The following CASP10 variants were observed in gnomAD, a reference collection of about 807,000 sequenced individuals.
CASP10 encodes caspase-10.
CASP10 carries 41 observed loss-of-function variants against 48.5 expected under a neutral mutation model. The ratio of observed to expected loss-of-function variants is 0.85; its 90% CI spans 0.66 to 1.10. The LOEUF (loss-of-function observed/expected upper bound fraction) is 1.10, where lower values mean the gene tolerates loss of function less well. Among genes scored for constraint, CASP10 ranks in the 50% least tolerant of loss-of-function variants. CASP10 has a pLI of 0.00. For missense variants in CASP10, 614 were observed against 614.5 expected (o/e 1.00, Z 0.01); for synonymous variants, 232 against 238.4 (o/e 0.97, Z 0.25).
In CASP10 at chr2:201,217,998, C is replaced by T. The variant is rs915733803; in HGVS notation, c.*257C>T. The T allele has an allele frequency of 1.7e-5, 17 of 986,818 alleles. No individual in the cohort carries two copies. Among genetic ancestry groups the T allele is most frequent in the Middle Eastern group, 4.1e-4 (1 of 2,420 alleles). The allele number at this position is 986,818 out of a possible 1,614,324, so 61.1% of individuals were successfully genotyped here. On this transcript the variant is annotated 3_prime_UTR_variant, in exon 10 of 10. Transcript: ENST00000286186. ...GGGCAATCACGGCTCACTGTAGTCT[C>T]GACCTCCCAGGCTCAAGCTGTCCTC...
intron 7 of CASP10, chr2:201,206,235 T>C: frequency 3.2e-6 from 1 of 312,344 alleles, no homozygotes; most frequent in Non-Finnish European, 6.1e-6. Flanking sequence ...ATGCATACCC[T>C]TTGGGTTATT....
In CASP10 at chr2:201,221,323, A is replaced by G; in HGVS notation, c.*3582A>G. ...ACCTCCTGTCAGGCCTCTGAGCCCA[A>G]GCTAAGCCATCATATCCCTTGTGAC... On this transcript the variant is annotated 3_prime_UTR_variant, in exon 10 of 10. Transcript: ENST00000286186. 4 of 983,532 alleles carry G rather than the reference A, an allele frequency of 4.1e-6. No homozygotes were observed. Among genetic ancestry groups the G allele is most frequent in the Non-Finnish European group, 4.8e-6 (4 of 827,894 alleles). 60.9% of individuals were successfully genotyped at this position (983,532 alleles called of 1,614,324 possible). A position where few individuals can be genotyped will look rare whatever the true frequency, so the allele number is the denominator to read the frequency against.
chr2:201,224,577 TATAC>T (rs1465102113), downstream of CASP10, among the ~76,000 whole-genome samples: 2 of 152,246 alleles, frequency 1.3e-5, no homozygotes, highest in Non-Finnish European at 2.9e-5. Context: ...CTGTCCACTG[TATAC>T]CCAGTCCTCC....
At chr2:201,213,642 A>T (rs1245055292) in intron 9 of CASP10, 3 of 152,152 alleles carry the variant, frequency 2.0e-5, no homozygotes, top group Non-Finnish European at 4.4e-5. Flanking sequence ...GAGTAATATG[A>T]TTCAGCTGTG....
chr2:201,209,909 C>A (rs1449371087), intron 9 of CASP10, among the ~76,000 whole-genome samples: 1 of 152,168 alleles, frequency 6.6e-6, no homozygotes, highest in Non-Finnish European at 1.5e-5. Flanking sequence ...GAGGGATAGA[C>A]AAACAAATAG....
intron 7 of CASP10, among the ~76,000 whole-genome samples, chr2:201,207,333 G>A (rs941487495): frequency 6.6e-6 from 1 of 152,116 alleles, no homozygotes; most frequent in Non-Finnish European, 1.5e-5. Context: ...ATAAAAACAT[G>A]GTTTTGGACA....
At chr2:201,226,189 G>A (rs1256256618), downstream of CASP10, among the ~76,000 whole-genome samples, 1 of 152,118 alleles carries the variant, frequency 6.6e-6, no homozygotes, top group Non-Finnish European at 1.5e-5. Flanking sequence ...ATACCAATGA[G>A]CAATAAATAT....
chr2:201,195,500 GT>G (rs1274174573), intron 4 of CASP10, among the ~76,000 whole-genome samples: 1 of 151,922 alleles, frequency 6.6e-6, no homozygotes, highest in Non-Finnish European at 1.5e-5. Flanking sequence ...AGTTCTAAGA[GT>G]TTGAGCCTAA....
chr2:201,209,811 C>T (rs1269806745), intron 9 of CASP10, among the ~76,000 whole-genome samples: 1 of 152,046 alleles, frequency 6.6e-6, no homozygotes, highest in Non-Finnish European at 1.5e-5. Flanking sequence ...ATCCAGCAAC[C>T]TTGTATTGAG....
intron 2 of CASP10, 40 bp from the exon 3 acceptor site, chr2:201,187,666 A>G: frequency 7.0e-7 from 1 of 1,418,778 alleles, no homozygotes; most frequent in Non-Finnish European, 1.0e-6. Flanking sequence ...GTCCTCCACA[A>G]GTGTAAGGCT....
In CASP10 at chr2:201,217,627, T is replaced by C. The variant is rs1945613738; in HGVS notation, c.1455T>C (p.Asp485=). 2.5e-6 allele frequency: 4 copies of C among 1,613,994 alleles called. No individual in the cohort carries two copies. In the Admixed American group the frequency reaches 5.0e-5, roughly 20 times the overall value. The change falls in exon 10 of 10, where the codon GAT becomes GAC. Residue 485 remains aspartate (D), a synonymous_variant. Transcript: ENST00000286186. ...DILSILTAVN[D]DVSRRVDKQG... is the part of the protein sequence containing the mutation. ...TATCCATCCTCACTGCTGTCAACGATGATGTGAGTCGAAGAGTGGACAAAC... is the reference window on the plus strand; with the variant it reads ...TATCCATCCTCACTGCTGTCAACGACGATGTGAGTCGAAGAGTGGACAAAC...
At position 201,206,836 on chromosome 2, in the gene CASP10, C is replaced by T. The variant is rs573342433; in HGVS notation, c.813+863C>T. ...CAGAAATGAACCATCTGAAAAAAAT[C>T]TTTGATATTTATGTTGTCTCATGAA... On this transcript the variant is annotated intron_variant, in intron 7 of 9. Coordinates refer to ENST00000286186, the MANE Select transcript of CASP10 (RefSeq NM_032977.4). 1.7e-3 allele frequency among the ~76,000 whole-genome samples: 251 copies of T among 152,118 alleles called. 10 individuals carry two copies. The South Asian group carries it at 0.049, about 30-fold the overall frequency.
chr2:201,204,058 G>T (rs1244312694), intron 6 of CASP10, among the ~76,000 whole-genome samples: 2 of 152,152 alleles, frequency 1.3e-5, no homozygotes, highest in Non-Finnish European at 2.9e-5. Flanking sequence ...GCCACCCTCT[G>T]TGCAGCAGAA....
chr2:201,224,046 A>C (rs1205234395), downstream of CASP10, among the ~76,000 whole-genome samples: 2 of 148,804 alleles, frequency 1.3e-5, no homozygotes, highest in Non-Finnish European at 3.0e-5. Context: ...ATCTTGGCTC[A>C]CTGCAAGCTC....
chr2:201,202,929 G>T (rs560228105), intron 5 of CASP10, among the ~76,000 whole-genome samples: 1 of 152,012 alleles, frequency 6.6e-6, no homozygotes, highest in Non-Finnish European at 1.5e-5. Flanking sequence ...TCCCCACCTC[G>T]ATTGCCATTT....
intron 6 of CASP10, 105 bp downstream of exon 6, chr2:201,203,871 T>A (rs1252202721): frequency 3.3e-6 from 3 of 911,354 alleles, no homozygotes; most frequent in Non-Finnish European, 5.4e-6. Context: ...AGAAGCTTTA[T>A]AAATAATGAA....
Position 201,221,444 on chromosome 2 carries a change from GA to G in CASP10, c.*3706del, listed in dbSNP as rs1945717615. 3.8e-6 allele frequency: 1 copy of G among 261,318 alleles called. No homozygotes were observed. The highest frequency in any genetic ancestry group is 1.4e-4 in the South Asian group (1 of 6,904). 16.2% of individuals were successfully genotyped at this position (261,318 alleles called of 1,614,324 possible). A position where few individuals can be genotyped will look rare whatever the true frequency, so the allele number is the denominator to read the frequency against. On this transcript the variant is annotated 3_prime_UTR_variant, in exon 10 of 10. Coordinates refer to ENST00000286186, the MANE Select transcript of CASP10 (RefSeq NM_032977.4). ...GCCTTAACTGATGACATTACCTTGT[GA>G]AATTCCTTCTCCTGGCTCATCCTGG...
At chr2:201,192,548 T>C (rs1441499308) in intron 3 of CASP10, among the ~76,000 whole-genome samples, 1 of 152,092 alleles carries the variant, frequency 6.6e-6, no homozygotes, top group Non-Finnish European at 1.5e-5. Flanking sequence ...TCCTAAGCAG[T>C]ATCATTTAAA....
intron 9 of CASP10, chr2:201,212,836 G>A (rs1479710774): frequency 6.6e-6 from 1 of 152,200 alleles, no homozygotes; most frequent in East Asian, 1.9e-4. Flanking sequence ...ACATTATGGA[G>A]AATTAGTCTA....
Sources: gnomAD v4.1 joint callset for allele counts (sites outside exome capture counted in the v4.1 genomes callset) on GRCh38, gnomAD v4.1.1 for gene constraint, MANE v1.5 for transcripts, NCBI Gene and HGNC (gene_info 2026-07-23, HGNC 2026-07-21) for gene names.